DPYD: variants seen among roughly 807,000 people sequenced by gnomAD.
DPYD encodes dihydropyrimidine dehydrogenase, also known as dihydropyrimidine dehydrogenase [NADP(+)].
In DPYD, 109 loss-of-function variants were observed where a neutral mutation model predicts 116.2. That is an observed-to-expected ratio of 0.94 (90% CI 0.80 to 1.10). The LOEUF is 1.10. Ranked by LOEUF, DPYD falls within the 50% of genes least tolerant of loss-of-function variation. DPYD has a pLI of 0.00. For synonymous variants in DPYD, 440 were observed against 432.0 expected, an observed-to-expected ratio of 1.02 and a Z score of -0.23; for missense variants, 1,302 against 1,254.5, an observed-to-expected ratio of 1.04 and a Z score of -0.57.
intron 20 of DPYD, among the ~76,000 whole-genome samples, chr1:97,169,233 T>C (rs1656542695): frequency 6.6e-6 from 1 of 152,196 alleles, no homozygotes; most frequent in East Asian, 1.9e-4. Context: ...TTGTGTTACC[T>C]ATAAACATTT....
At chr1:97,312,239 T>C (rs978302067) in intron 16 of DPYD, among the ~76,000 whole-genome samples, 1 of 151,844 alleles carries the variant, frequency 6.6e-6, no homozygotes, top group Non-Finnish European at 1.5e-5. Context: ...CTATCATGAT[T>C]TGCCGAAAAT....
At chr1:97,767,082 T>A (rs1665897197) in intron 3 of DPYD, among the ~76,000 whole-genome samples, 2 of 152,224 alleles carry the variant, frequency 1.3e-5, no homozygotes, top group Admixed American at 6.5e-5. Flanking sequence ...TCAGAATTAC[T>A]ACTGATCGGT....
At chr1:97,786,593 G>A (rs999040050) in intron 3 of DPYD, among the ~76,000 whole-genome samples, 2 of 152,100 alleles carry the variant, frequency 1.3e-5, no homozygotes, top group South Asian at 2.1e-4. Context: ...CCCTACCTGA[G>A]GAGACATTTG....
chr1:97,306,292 T>C lies in DPYD; in HGVS notation c.2064A>G (p.Pro688=). The C allele has an allele frequency of 6.2e-7, 1 of 1,612,250 alleles. No individual in the cohort carries two copies. Among genetic ancestry groups the C allele is most frequent in the South Asian group, 1.1e-5 (1 of 91,076 alleles). ...AGCGGCAGATGTTCCGCACCAGCTC[T>C]GGATCCTGTTCAAATAGGTCGGTTA... ...RGMGLACGQD[P]ELVRNICRWV... Residue 688 remains proline, a synonymous_variant, in exon 17 of 23, where the codon CCA becomes CCG. Transcript: ENST00000370192.
chr1:97,525,387 A>G (rs565243818), intron 12 of DPYD, among the ~76,000 whole-genome samples: 1 of 151,860 alleles, frequency 6.6e-6, no homozygotes, highest in South Asian at 2.1e-4. Context: ...AGAAAAAAAA[A>G]CCTCCTCAGC....
chr1:97,719,072 T>C (rs901387696), intron 5 of DPYD, among the ~76,000 whole-genome samples: 1 of 148,924 alleles, frequency 6.7e-6, no homozygotes, highest in Admixed American at 6.9e-5. Flanking sequence ...AACACACCAG[T>C]GTGTGAAGGA....
At chr1:97,198,723 G>A (rs1434136179) in intron 19 of DPYD, among the ~76,000 whole-genome samples, 1 of 152,162 alleles carries the variant, frequency 6.6e-6, no homozygotes, top group African/African-American at 2.4e-5. Flanking sequence ...AGTATAATTT[G>A]TAAGTTCTTT....
chr1:97,302,415 C>G (rs935780147), intron 18 of DPYD, among the ~76,000 whole-genome samples: 2 of 151,876 alleles, frequency 1.3e-5, no homozygotes, highest in South Asian at 4.1e-4. Context: ...AATTGAAATT[C>G]AAGTTTATAA....
chr1:97,625,201 ACAT>A (rs1180598159), intron 8 of DPYD, among the ~76,000 whole-genome samples: 5 of 152,084 alleles, frequency 3.3e-5, no homozygotes, highest in African/African-American at 1.2e-4. Context: ...CAATATTATA[ACAT>A]CATCTTATGC....
chr1:97,088,728 C>G (rs1390100743), intron 21 of DPYD, among the ~76,000 whole-genome samples: 2 of 152,152 alleles, frequency 1.3e-5, no homozygotes, highest in Non-Finnish European at 2.9e-5. Context: ...TTATTCCAGA[C>G]AAGATACACC....
At chr1:97,515,676 T>G (rs1219820872) in intron 13 of DPYD, 50 bp downstream of exon 13, 10 of 1,527,376 alleles carry the variant, frequency 6.5e-6, no homozygotes, top group Non-Finnish European at 9.0e-6. Context: ...TATACCTTAA[T>G]TAAAATATAT....
chr1:97,165,528 G>A (rs1388154693), intron 20 of DPYD, among the ~76,000 whole-genome samples: 2 of 151,504 alleles, frequency 1.3e-5, no homozygotes, highest in African/African-American at 2.4e-5. Context: ...ATTTCATGAC[G>A]AAGCTTCCAA....
chr1:97,658,817 T>C (rs1659089334), intron 8 of DPYD, among the ~76,000 whole-genome samples: 1 of 152,182 alleles, frequency 6.6e-6, no homozygotes, highest in South Asian at 2.1e-4. Context: ...ACTGTATGAC[T>C]TGCTTCTTGC....
chr1:97,318,853 T>C (rs573195001), intron 16 of DPYD, among the ~76,000 whole-genome samples: 1 of 149,676 alleles, frequency 6.7e-6, no homozygotes, highest in East Asian at 2.0e-4. Flanking sequence ...TCAGCAAATG[T>C]AAAAGAACAG....
chr1:97,239,283 T>C (rs1433996520), intron 18 of DPYD, among the ~76,000 whole-genome samples: 3 of 152,162 alleles, frequency 2.0e-5, no homozygotes, highest in Non-Finnish European at 4.4e-5. Flanking sequence ...TGAAAAGTAT[T>C]TTTCTTAAGA....
intron 8 of DPYD, among the ~76,000 whole-genome samples, 192 bp from the exon 9 acceptor site, chr1:97,595,358 A>G (rs950156270): frequency 6.6e-6 from 1 of 152,268 alleles, no homozygotes; most frequent in Middle Eastern, 3.4e-3. Context: ...TATCTTTAAT[A>G]TATAACCAAG....
intron 12 of DPYD, among the ~76,000 whole-genome samples, chr1:97,521,236 C>A (rs1014069049): frequency 4.6e-5 from 7 of 152,184 alleles, no homozygotes; most frequent in Non-Finnish European, 1.0e-4. Flanking sequence ...GTGATGATGA[C>A]CTTTTTTTCA....
intron 14 of DPYD, among the ~76,000 whole-genome samples, chr1:97,429,886 G>C (rs1675077793): frequency 6.6e-6 from 1 of 151,960 alleles, no homozygotes; most frequent in Non-Finnish European, 1.5e-5. Flanking sequence ...TTGTGGAGAA[G>C]GGGGGGTAAT....
chr1:97,323,654 CACGTATATATACATATCATATATATACAT>C (rs1668539776), intron 16 of DPYD, among the ~76,000 whole-genome samples: 3 of 49,098 alleles, frequency 6.1e-5, no homozygotes, highest in Non-Finnish European at 1.5e-4. Flanking sequence ...TGTATATATA[CACGTATATATACATATCATATATATACAT>C]ATATGTGTAT....
Sources: allele counts gnomAD v4.1 joint callset (sites outside exome capture counted in the v4.1 genomes callset), GRCh38; gene constraint gnomAD v4.1.1; transcripts MANE v1.5; gene names NCBI Gene and HGNC (gene_info 2026-07-23, HGNC 2026-07-21).